ADCK2: variants seen among roughly 807,000 people sequenced by gnomAD.
ADCK2 encodes uncharacterized aarF domain-containing protein kinase 2.
A neutral mutation model predicts 52.3 loss-of-function variants in ADCK2; 37 were observed. The ratio of observed to expected loss-of-function variants is 0.71; its 90% CI spans 0.54 to 0.93. The LOEUF (loss-of-function observed/expected upper bound fraction) is 0.93. Ranked by LOEUF, ADCK2 falls within the 40% of genes least tolerant of loss-of-function variation. The probability of loss-of-function intolerance (pLI) is 0.00; values close to 1 mark genes in which losing one functional copy is unlikely to be tolerated. For missense variants in ADCK2, 695 were observed against 798.7 expected, an observed-to-expected ratio of 0.87 and a Z score of 1.56; for synonymous variants, 321 against 349.2, an observed-to-expected ratio of 0.92 and a Z score of 0.90.
At chr7:140,691,619 C>T (rs528098531) in intron 7 of ADCK2, among the ~76,000 whole-genome samples, 15 of 152,302 alleles carry the variant, frequency 9.8e-5, no homozygotes, top group African/African-American at 2.6e-4. Context: ...CCGGCTCTGT[C>T]GCCTTGTCAT....
chr7:140,675,543 G>A (rs1341876261), intron 2 of ADCK2, among the ~76,000 whole-genome samples: 1 of 152,176 alleles, frequency 6.6e-6, no homozygotes, highest in Non-Finnish European at 1.5e-5. Context: ...GTGTGGATTG[G>A]AGGCAGAGGC....
In ADCK2 at chr7:140,673,938, G is replaced by A. The variant is rs756545274; in HGVS notation, c.608G>A (p.Arg203Gln). The A allele has an allele frequency of 2.5e-6, 4 of 1,613,870 alleles. No homozygotes were observed. The highest frequency in any genetic ancestry group is 1.3e-5 in the African/African-American group (1 of 74,934). ...DWGSILSFEN[R>Q]EPVGSGCVAQ... ...GGGAGCATCCTCTCTTTTGAGAACC[G>A]GGAACCTGTGGGCTCAGGCTGCGTG... is the stretch of plus-strand genomic sequence containing the variant. Residue 203 changes from arginine (R) to glutamine (Q), a missense_variant, in exon 1 of 8, where the codon CGG becomes CAG. Arg to Gln is a conservative substitution (Grantham distance 43). Coordinates refer to ENST00000072869, the MANE Select transcript of ADCK2 (RefSeq NM_052853.4). The surrounding 1 kb of genome is among the most constrained non-coding windows in gnomAD (Gnocchi z 6.4).
rs1794615828 is a variant in ADCK2, at chr7:140,687,051, C to T, written c.1367C>T (p.Ala456Val). The T allele has an allele frequency of 6.2e-7, 1 of 1,614,122 alleles. No homozygotes were observed. The highest frequency in any genetic ancestry group is 8.5e-7 in the Non-Finnish European group (1 of 1,180,040). The change falls in exon 5 of 8, where the codon GCC becomes GTC. Residue 456 changes from alanine (A) to valine (V), a missense_variant. By Grantham distance (64) the Ala-to-Val change is moderately conservative (BLOSUM62 0). Coordinates refer to ENST00000072869, the MANE Select transcript of ADCK2 (RefSeq NM_052853.4). ...LHPGNILVQG[A>V]NGLSSSQEAQ... ...CCTGGAAACATCCTGGTTCAGGGTG[C>T]CAACGGCCTGTCCTCGAGTCAGGAG...
intron 5 of ADCK2, among the ~76,000 whole-genome samples, chr7:140,687,625 A>G (rs1794627311): frequency 6.6e-6 from 1 of 151,944 alleles, no homozygotes; most frequent in South Asian, 2.1e-4. Context: ...GAGGCAGGAG[A>G]ATTCATTGAA....
chr7:140,681,005 C>T, intron 3 of ADCK2, 37 bp from the exon 4 acceptor site: 1 of 1,596,674 alleles, frequency 6.3e-7, no homozygotes, highest in Non-Finnish European at 8.6e-7. Context: ...CACAGGCTGG[C>T]TGGGATTAAG....
chr7:140,676,266 C>G (rs1450815346), intron 2 of ADCK2, among the ~76,000 whole-genome samples: 2 of 152,134 alleles, frequency 1.3e-5, no homozygotes, highest in East Asian at 3.9e-4. Flanking sequence ...GGCGCTGATT[C>G]ATTCATGCAG....
chr7:140,676,476 C>T (rs549241323), intron 2 of ADCK2, among the ~76,000 whole-genome samples: 1 of 152,342 alleles, frequency 6.6e-6, no homozygotes, highest in African/African-American at 2.4e-5. Context: ...TAATTCCTCT[C>T]AGTCCTGCCA....
At chr7:140,688,045 TGTC>T (rs1407280166) in intron 5 of ADCK2, among the ~76,000 whole-genome samples, 1 of 151,382 alleles carries the variant, frequency 6.6e-6, no homozygotes, top group Non-Finnish European at 1.5e-5. Context: ...CCTCTGTCTC[TGTC>T]TTTTTTTTTT....
intron 5 of ADCK2, among the ~76,000 whole-genome samples, chr7:140,687,468 A>G (rs2130789176): frequency 6.6e-6 from 1 of 152,210 alleles, no homozygotes; most frequent in Admixed American, 6.5e-5. Context: ...TAATCTCAGC[A>G]CTTTGGGAGG....
In ADCK2 at chr7:140,687,211, G is replaced by A. The variant is rs1310382431; in HGVS notation, c.1527G>A (p.Arg509=). The A allele has an allele frequency of 6.3e-7, 1 of 1,578,088 alleles. No individual in the cohort carries two copies. Among genetic ancestry groups the A allele is most frequent in the African/African-American group, 1.3e-5 (1 of 74,158 alleles). ...AGGCCCCTGACCTGAGGAATTTCCG[G>A]GCAGTTTTCATGGCTGTGGTGATGG... The part of the protein sequence containing the change: ...ELQAPDLRNF[R]AVFMAVVMGQ... The change falls in exon 5 of 8, where the codon CGG becomes CGA. Residue 509 remains arginine, a synonymous_variant. Transcript: ENST00000072869.
At chr7:140,690,855 C>A (rs547867125) in intron 7 of ADCK2, 42 bp downstream of exon 7, 1 of 1,585,426 alleles carries the variant, frequency 6.3e-7, no homozygotes. Context: ...GAAGGTGGGA[C>A]GGGGCAGGGA....
In ADCK2 at chr7:140,689,709, C is replaced by T. The variant is rs780896232; in HGVS notation, c.1670C>T (p.Thr557Ile). Reference sequence around the variant, plus strand: ...CTGGTGACCCAGGCCAGGAAGAACACCATCACCCTGGAGAAGGTGGGCAGG... The same window carrying T: ...CTGGTGACCCAGGCCAGGAAGAACATCATCACCCTGGAGAAGGTGGGCAGG... ...AMLVTQARKN[T>I]ITLEKLHVSS... The change falls in exon 6 of 8, where the codon ACC becomes ATC. Residue 557 changes from threonine to isoleucine, a missense_variant. Thr to Ile is a moderately conservative substitution (Grantham distance 89). Coordinates refer to ENST00000072869, the MANE Select transcript of ADCK2 (RefSeq NM_052853.4). 37 of 1,612,504 alleles carry T rather than the reference C, an allele frequency of 2.3e-5. No homozygotes were observed. The highest frequency in any genetic ancestry group is 2.8e-5 in the Non-Finnish European group (33 of 1,179,174).
At chr7:140,686,217 G>A (rs753566812) in intron 4 of ADCK2, among the ~76,000 whole-genome samples, 8 of 152,202 alleles carry the variant, frequency 5.3e-5, no homozygotes, top group Non-Finnish European at 1.2e-4. Flanking sequence ...AAATCATAAA[G>A]TAAAAATAAG....
In ADCK2 at chr7:140,689,665, C is replaced by G. The variant is rs2130791238; in HGVS notation, c.1626C>G (p.Phe542Leu). ...RASECRDVEGFKTEMAMLVTQ... is the reference protein window; with the variant it reads ...RASECRDVEGLKTEMAMLVTQ... ...GCGAGTGCAGGGACGTGGAGGGGTT[C>G]AAAACCGAGATGGCCATGCTGGTGA... The change falls in exon 6 of 8, where the codon TTC becomes TTG. Residue 542 changes from phenylalanine to leucine, a missense_variant. By Grantham distance (22) the Phe-to-Leu change is conservative. Transcript: ENST00000072869. 6.2e-7 allele frequency: 1 copy of G among 1,613,684 alleles called. No individual in the cohort carries two copies. The highest frequency in any genetic ancestry group is 2.2e-5 in the East Asian group (1 of 44,842).
At chr7:140,688,339 C>T (rs771121111) in intron 5 of ADCK2, among the ~76,000 whole-genome samples, 5 of 152,192 alleles carry the variant, frequency 3.3e-5, no homozygotes, top group Non-Finnish European at 5.9e-5. Flanking sequence ...CCACTGCACC[C>T]AGCCAGAATG....
intron 4 of ADCK2, among the ~76,000 whole-genome samples, chr7:140,681,552 C>T (rs1323906916): frequency 6.6e-6 from 1 of 151,700 alleles, no homozygotes; most frequent in Non-Finnish European, 1.5e-5. Context: ...GATCTCCTGA[C>T]CTCATGATCC....
intron 7 of ADCK2, among the ~76,000 whole-genome samples, chr7:140,692,428 G>A (rs918313644): frequency 6.6e-6 from 1 of 152,200 alleles, no homozygotes; most frequent in African/African-American, 2.4e-5. Context: ...TGCAAGCTTG[G>A]CTCATTGCAA....
chr7:140,694,437 C>T (rs899443839), intron 7 of ADCK2, among the ~76,000 whole-genome samples: 14 of 152,240 alleles, frequency 9.2e-5, no homozygotes, highest in African/African-American at 1.9e-4. Flanking sequence ...AAAGTATATT[C>T]CGCACCCCTA....
rs116825360 is a variant in ADCK2 at position 140,678,846 on chromosome 7, G to C, written c.1081-309G>C. 0.026 allele frequency among the ~76,000 whole-genome samples: 3,886 copies of C among 152,258 alleles called. 143 individuals are homozygous for C. The highest frequency in any genetic ancestry group is 0.086 in the African/African-American group (3,562 of 41,540). On this transcript the variant is annotated intron_variant, in intron 2 of 7. Transcript: ENST00000072869. The surrounding 1 kb of genome is among the most constrained non-coding windows in gnomAD (Gnocchi z 4.9). ...GAGAAGCCAGACCCCAGGGAGACGGGGAAGGGACTCATGGGCTGGTGTGAG... is the reference window on the plus strand; with the variant it reads ...GAGAAGCCAGACCCCAGGGAGACGGCGAAGGGACTCATGGGCTGGTGTGAG...
Sources: gnomAD v4.1 joint callset for allele counts (sites outside exome capture counted in the v4.1 genomes callset) on GRCh38, gnomAD v4.1.1 for gene constraint, Gnocchi (gnomAD v3.1) non-coding constraint, MANE v1.5 for transcripts, NCBI Gene and HGNC (gene_info 2026-07-23, HGNC 2026-07-21) for gene names.